The following RIN2 variants were observed in gnomAD, a reference collection of about 807,000 sequenced individuals.
RIN2 encodes the protein Ras and Rab interactor 2.
A neutral mutation model predicts 78.0 loss-of-function variants in RIN2; 36 were observed. The ratio of observed to expected loss-of-function variants is 0.46; its 90% CI spans 0.35 to 0.61. RIN2 has a LOEUF of 0.61. Among genes scored for constraint, RIN2 ranks in the 20% least tolerant of loss-of-function variants. RIN2 has a pLI of 0.00. For synonymous variants in RIN2, 466 were observed against 466.8 expected (o/e 1.00, Z 0.02); for missense variants, 1,087 against 1,159.7 (o/e 0.94, Z 0.91).
intron 2 of RIN2, among the ~76,000 whole-genome samples, chr20:19,829,445 G>A (rs1440853228): frequency 6.6e-6 from 1 of 152,274 alleles, no homozygotes; most frequent in East Asian, 1.9e-4. Context: ...GAGCAACAGA[G>A]AGCTCTAGAG....
Position 19,889,431 on chromosome 20 carries a change from C to G in RIN2, c.-36-135C>G, listed in dbSNP as rs879140347. 21 of 1,130,094 alleles carry G rather than the reference C, an allele frequency of 1.9e-5. No homozygotes were observed. In the South Asian group the frequency reaches 3.8e-4, roughly 20 times the overall value. 70.0% of individuals were successfully genotyped at this position (1,130,094 alleles called of 1,614,324 possible). ...AATTGGGCTGAAGGGAGATGTAAGG[C>G]CTTGGTGGGAAATAAATGGCACTGT... On this transcript the variant is annotated intron_variant, in intron 2 of 12. Transcript: ENST00000255006.
intron 3 of RIN2, among the ~76,000 whole-genome samples, chr20:19,932,647 G>A (rs979163228): frequency 2.0e-5 from 3 of 152,034 alleles, no homozygotes; most frequent in African/African-American, 7.2e-5. Context: ...CTAAGTCCTG[G>A]GAGTGTCCAG....
rs116818983 is a variant in RIN2 at position 19,927,137 on chromosome 20, G to A, written c.58-7962G>A. On this transcript the variant is annotated intron_variant, in intron 3 of 12. Coordinates refer to ENST00000255006, the MANE Select transcript of RIN2 (RefSeq NM_018993.4). ...TTGTAGTCCCAGGTCTCTGCTGCTG[G>A]TGATTAAATGGCCTCTTTCCAGGAG... Among the ~76,000 whole-genome samples, 1,425 of 152,352 alleles carry A rather than the reference G, an allele frequency of 9.4e-3. 20 individuals are homozygous for A. The highest frequency in any genetic ancestry group is 0.032 in the African/African-American group (1,312 of 41,582).
intron 2 of RIN2, among the ~76,000 whole-genome samples, chr20:19,814,490 C>T (rs1340965413): frequency 6.6e-6 from 1 of 151,734 alleles, no homozygotes; most frequent in African/African-American, 2.4e-5. Context: ...ATTACGACAA[C>T]AATCACTCAC....
chr20:19,807,674 T>C (rs1341389096), intron 2 of RIN2, among the ~76,000 whole-genome samples: 2 of 152,174 alleles, frequency 1.3e-5, no homozygotes, highest in African/African-American at 4.8e-5. Flanking sequence ...TTGCCCAAAC[T>C]TGTCAGAATG....
At chr20:19,937,817 G>A (rs1288685466) in intron 4 of RIN2, among the ~76,000 whole-genome samples, 1 of 152,244 alleles carries the variant, frequency 6.6e-6, no homozygotes, top group Admixed American at 6.5e-5. Context: ...CACAATCTCT[G>A]TAACAGCTGT....
intron 7 of RIN2, among the ~76,000 whole-genome samples, chr20:19,970,463 C>A (rs566165039): frequency 3.6e-4 from 55 of 152,324 alleles, no homozygotes; most frequent in African/African-American, 1.2e-3. Flanking sequence ...CAGGCAGTTT[C>A]GGCCCAACAT....
chr20:19,791,501 T>C (rs188905895), intron 1 of RIN2, among the ~76,000 whole-genome samples: 316 of 152,332 alleles, frequency 2.1e-3, no homozygotes, highest in Middle Eastern at 3.4e-3. Context: ...GCCTCAGATA[T>C]TATTATGTGG....
At chr20:19,885,097 G>T (rs1261722676) in intron 2 of RIN2, among the ~76,000 whole-genome samples, 1 of 152,202 alleles carries the variant, frequency 6.6e-6, no homozygotes, top group African/African-American at 2.4e-5. Flanking sequence ...ACGGAGATGA[G>T]AATCCAGGAC....
chr20:19,811,616 A>G (rs1215391133), intron 2 of RIN2, among the ~76,000 whole-genome samples: 1 of 152,154 alleles, frequency 6.6e-6, no homozygotes, highest in East Asian at 1.9e-4. Flanking sequence ...AGCTTTTAAA[A>G]CTGAACGCAG....
At chr20:19,886,689 A>G (rs1352597834) in intron 2 of RIN2, 1 of 1,542,198 alleles carries the variant, frequency 6.5e-7, no homozygotes. Flanking sequence ...TCATTTTCTC[A>G]AGAATCCACT....
intron 4 of RIN2, among the ~76,000 whole-genome samples, chr20:19,941,030 G>C (rs937254424): frequency 6.6e-6 from 1 of 152,166 alleles, no homozygotes; most frequent in African/African-American, 2.4e-5. Context: ...CCACTTCGCT[G>C]GTGTCCTCTA....
intron 1 of RIN2, among the ~76,000 whole-genome samples, chr20:19,790,646 A>T (rs62200340): frequency 0.081 from 12,403 of 152,208 alleles, 502 homozygotes; most frequent in South Asian, 0.12. Flanking sequence ...ATTAATAAAA[A>T]TAGAATAATC....
chr20:19,953,401 T>C (rs2041405406), intron 4 of RIN2, among the ~76,000 whole-genome samples: 1 of 152,098 alleles, frequency 6.6e-6, no homozygotes, highest in African/African-American at 2.4e-5. Context: ...CAAAGTGTGC[T>C]GGGATTACAG....
chr20:19,947,353 T>A (rs1206469908), intron 4 of RIN2, among the ~76,000 whole-genome samples: 1 of 152,184 alleles, frequency 6.6e-6, no homozygotes, highest in Non-Finnish European at 1.5e-5. Context: ...AAAAAGTATT[T>A]TTTAAAATTA....
At chr20:19,918,353 TTGTGTGTGTGTGTGTGTGTGTGTG>T (rs3059683) in intron 3 of RIN2, among the ~76,000 whole-genome samples, 1 of 147,110 alleles carries the variant, frequency 6.8e-6, no homozygotes, top group African/African-American at 2.5e-5. Context: ...TACAAATACA[TTGTGTGTGTGTGTGTGTGTGTGTG>T]TGTGTGTGTG....
intron 5 of RIN2, among the ~76,000 whole-genome samples, 172 bp from the exon 6 acceptor site, chr20:19,960,528 G>A (rs1358763867): frequency 6.6e-6 from 1 of 152,210 alleles, no homozygotes; most frequent in African/African-American, 2.4e-5. Context: ...GAACAAAGGT[G>A]TCTGCAGCCT....
At chr20:19,759,998 G>A (rs1172771935) in intron 1 of RIN2, among the ~76,000 whole-genome samples, 12 of 152,220 alleles carry the variant, frequency 7.9e-5, no homozygotes, top group Admixed American at 7.9e-4. Context: ...AGCAACTCTG[G>A]CTTCAGATGT....
Position 20,001,020 on chromosome 20 carries a change from A to C in RIN2, c.*84A>C. On this transcript the variant is annotated 3_prime_UTR_variant, in exon 13 of 13. Coordinates refer to ENST00000255006, the MANE Select transcript of RIN2 (RefSeq NM_018993.4). ...CGCTTCTACATGCTTGAGCTTGAAA[A>C]GCAGTCACCTCCTCGGGGACCCCTC... 7.6e-7 allele frequency: 1 copy of C among 1,317,136 alleles called. No homozygotes were observed. Among genetic ancestry groups the C allele is most frequent in the Non-Finnish European group, 1.0e-6 (1 of 962,032 alleles). The allele number at this position is 1,317,136 out of a possible 1,614,324, so 81.6% of individuals were successfully genotyped here. A position where few individuals can be genotyped will look rare whatever the true frequency, so the allele number is the denominator to read the frequency against.
Sources: gnomAD v4.1 joint callset for allele counts (sites outside exome capture counted in the v4.1 genomes callset) on GRCh38, gnomAD v4.1.1 for gene constraint, MANE v1.5 for transcripts, NCBI Gene and HGNC (gene_info 2026-07-23, HGNC 2026-07-21) for gene names.